The following LMO7 variants were observed in gnomAD, a reference collection of about 807,000 sequenced individuals.
LMO7 encodes LIM domain only protein 7.
A neutral mutation model predicts 206.5 loss-of-function variants in LMO7; 120 were observed. The ratio of observed to expected loss-of-function variants is 0.58; its 90% CI spans 0.50 to 0.68. The LOEUF (loss-of-function observed/expected upper bound fraction) is 0.68. LMO7 is among the 30% of genes least tolerant of loss of function. The pLI is 0.00. For synonymous variants in LMO7, 706 were observed against 681.5 expected (o/e 1.04, Z -0.56); for missense variants, 1,959 against 1,957.9 (o/e 1.00, Z -0.01).
intron 27 of LMO7, among the ~76,000 whole-genome samples, chr13:75,851,314 G>C (rs537686108): frequency 1.3e-5 from 2 of 152,328 alleles, no homozygotes; most frequent in South Asian, 4.1e-4. Context: ...GTTTAAGACT[G>C]TTAAACACAA....
intron 1 of LMO7, among the ~76,000 whole-genome samples, chr13:75,699,414 T>G (rs1170188484): frequency 6.6e-6 from 1 of 150,686 alleles, no homozygotes; most frequent in African/African-American, 2.5e-5. Context: ...ATTTTTTTTT[T>G]TTTTTTTTAC....
chr13:75,853,020 TG>T, intron 27 of LMO7, 71 bp from the exon 28 acceptor site: 5 of 1,254,890 alleles, frequency 4.0e-6, no homozygotes, highest in Non-Finnish European at 5.5e-6. Flanking sequence ...TTTTAATGAA[TG>T]GAATGATGAA....
upstream of LMO7, among the ~76,000 whole-genome samples, chr13:75,635,048 C>G (rs934113230): frequency 7.3e-5 from 11 of 150,686 alleles, no homozygotes; most frequent in Admixed American, 3.3e-4. Flanking sequence ...CAAAAACAAA[C>G]AGAAAGTAAA....
chr13:75,720,662 A>G (rs956517469), intron 2 of LMO7, among the ~76,000 whole-genome samples: 3 of 152,228 alleles, frequency 2.0e-5, no homozygotes, highest in Non-Finnish European at 4.4e-5. Flanking sequence ...TGCTAGACTT[A>G]CTTCAGGATG....
Position 75,621,849 on chromosome 13 carries a change from C to A in LMO7, c.156C>A (p.Asp52Glu), listed in dbSNP as rs767168979. 5.0e-6 allele frequency: 8 copies of A among 1,598,118 alleles called. No homozygotes were observed. In the East Asian group the frequency reaches 1.8e-4, roughly 36 times the overall value. Residue 52 changes from aspartate (D) to glutamate (E), a missense_variant, in exon 1 of 30, where the codon GAC (aspartate) becomes GAA (glutamate). Asp to Glu is a conservative substitution (Grantham distance 45). Coordinates refer to the LMO7 transcript ENST00000341547. ...GTGTGGGTTGGCTGTATCTCAGGGA[C>A]AGAGTCTGCAGCAAAAAAGGTAATA...
At chr13:75,838,511 G>T in intron 20 of LMO7, 2 of 376,114 alleles carry the variant, frequency 5.3e-6, no homozygotes, top group Non-Finnish European at 9.0e-6. Flanking sequence ...TTTCCACTGG[G>T]TAACAGTAAG....
intron 1 of LMO7, among the ~76,000 whole-genome samples, chr13:75,688,033 G>A (rs1320640814): frequency 6.6e-6 from 1 of 152,128 alleles, no homozygotes; most frequent in Non-Finnish European, 1.5e-5. Context: ...CCCTGCATAT[G>A]TTCTCTTGCC....
At chr13:75,707,105 G>A (rs923909135) in intron 1 of LMO7, among the ~76,000 whole-genome samples, 4 of 151,286 alleles carry the variant, frequency 2.6e-5, no homozygotes, top group Non-Finnish European at 5.9e-5. Flanking sequence ...AATCTGATTG[G>A]TTTTGGCTTC....
At chr13:75,832,141 A>C (rs781362919) in intron 15 of LMO7, among the ~76,000 whole-genome samples, 2 of 152,202 alleles carry the variant, frequency 1.3e-5, no homozygotes, top group East Asian at 3.8e-4. Context: ...AATTCATATT[A>C]AAATCTATCT....
intron 15 of LMO7, among the ~76,000 whole-genome samples, chr13:75,831,030 T>A (rs1353922476): frequency 6.6e-6 from 1 of 152,138 alleles, no homozygotes; most frequent in Non-Finnish European, 1.5e-5. Flanking sequence ...AGATGACCAC[T>A]TATTTTCACT....
chr13:75,722,348 T>TCAG lies in LMO7; in HGVS notation c.141-4679_141-4678insGCA, dbSNP rs555423939. ...GTAATCTACAGGGAACTCAAACAAA[T>TCAG]CAAGAAAAAAACAATCCCATCAAAA... On this transcript the variant is annotated intron_variant, in intron 2 of 30. Coordinates refer to ENST00000377534, the MANE Select transcript of LMO7 (RefSeq NM_001306080.2). Among the ~76,000 whole-genome samples, 418 of 151,166 alleles carry TCAG rather than the reference T, an allele frequency of 2.8e-3. 3 individuals carry two copies. The highest frequency in any genetic ancestry group is 9.9e-3 in the African/African-American group (406 of 41,164).
intron 1 of LMO7, among the ~76,000 whole-genome samples, chr13:75,668,302 A>T (rs2039254358): frequency 1.3e-5 from 2 of 152,222 alleles, no homozygotes; most frequent in Non-Finnish European, 2.9e-5. Flanking sequence ...TGGCAGTTTA[A>T]ATCTCAGGTC....
chr13:75,768,305 T>C (rs9573657), intron 4 of LMO7, among the ~76,000 whole-genome samples: 7 of 152,062 alleles, frequency 4.6e-5, no homozygotes, highest in East Asian at 1.9e-4. Context: ...CTTTTCTCCA[T>C]TGGGAGCAGA....
chr13:75,787,346 G>T (rs965283932), intron 4 of LMO7, among the ~76,000 whole-genome samples: 1 of 152,122 alleles, frequency 6.6e-6, no homozygotes, highest in East Asian at 1.9e-4. Flanking sequence ...CCCACCTTTC[G>T]GCTCCTGCAG....
At chr13:75,673,251 A>G (rs562961963) in intron 1 of LMO7, among the ~76,000 whole-genome samples, 9 of 152,306 alleles carry the variant, frequency 5.9e-5, no homozygotes, top group South Asian at 2.1e-4. Flanking sequence ...ACTACAAATC[A>G]TCTACTTGAT....
chr13:75,667,422 G>T (rs547026754), intron 1 of LMO7, among the ~76,000 whole-genome samples: 7 of 151,926 alleles, frequency 4.6e-5, no homozygotes, highest in African/African-American at 1.7e-4. Flanking sequence ...ATGTTTTCCC[G>T]TAGGTCCCTA....
rs181166734 is a variant in LMO7 at position 75,719,226 on chromosome 13, C to T, written c.140+5974C>T. Among the ~76,000 whole-genome samples, 351 of 149,102 alleles carry T rather than the reference C, an allele frequency of 2.4e-3. 3 individuals are homozygous for T. Among genetic ancestry groups the T allele is most frequent in the African/African-American group, 7.8e-3 (310 of 39,852 alleles). On this transcript the variant is annotated intron_variant, in intron 2 of 30. Transcript: ENST00000377534. ...AACTCCTGACCTCAAGTGATCTGTCCGCCTTGGCCTCCAAAAGTGCTGGGA... is the reference window on the plus strand; with the variant it reads ...AACTCCTGACCTCAAGTGATCTGTCTGCCTTGGCCTCCAAAAGTGCTGGGA...
chr13:75,797,819 C>T (rs565824594), intron 6 of LMO7, among the ~76,000 whole-genome samples: 6 of 152,270 alleles, frequency 3.9e-5, no homozygotes, highest in African/African-American at 1.2e-4. Flanking sequence ...GAGTCAATAA[C>T]GCTGTATTCA....
chr13:75,733,578 C>T (rs530988343), intron 3 of LMO7, among the ~76,000 whole-genome samples: 1 of 152,310 alleles, frequency 6.6e-6, no homozygotes, highest in South Asian at 2.1e-4. Context: ...CTTGCGCTTC[C>T]CGAGTGAGGC....
Sources: gnomAD v4.1 joint callset for allele counts (sites outside exome capture counted in the v4.1 genomes callset) on GRCh38, gnomAD v4.1.1 for gene constraint, MANE v1.5 for transcripts, NCBI Gene and HGNC (gene_info 2026-07-23, HGNC 2026-07-21) for gene names.